DLG2: variants seen among roughly 807,000 people sequenced by gnomAD.
DLG2 encodes discs large MAGUK scaffold protein 2.
In DLG2, 45 loss-of-function variants were observed where a neutral mutation model predicts 132.5. That is an observed-to-expected ratio of 0.34 (90% CI 0.27 to 0.44). The LOEUF is 0.44. Among genes scored for constraint, DLG2 ranks in the 20% least tolerant of loss-of-function variants. The probability of loss-of-function intolerance (pLI) is 1.00; values close to 1 mark genes in which losing one functional copy is unlikely to be tolerated. For synonymous variants in DLG2, 424 were observed against 419.6 expected (o/e 1.01, Z -0.13); for missense variants, 1,045 against 1,196.9 (o/e 0.87, Z 1.87).
At chr11:83,518,374 G>A (rs376023532) in intron 21 of DLG2, among the ~76,000 whole-genome samples, 36 of 152,208 alleles carry the variant, frequency 2.4e-4, no homozygotes, top group African/African-American at 8.0e-4. Flanking sequence ...TTGGAAAAGC[G>A]CAGTATTAGG....
At chr11:83,715,678 A>T (rs907989319) in intron 18 of DLG2, among the ~76,000 whole-genome samples, 1 of 152,218 alleles carries the variant, frequency 6.6e-6, no homozygotes, top group Admixed American at 6.5e-5. Flanking sequence ...TCAACTGGGC[A>T]TAACGATTGT....
At chr11:85,118,278 G>A (rs752081838) in intron 5 of DLG2, among the ~76,000 whole-genome samples, 21 of 152,032 alleles carry the variant, frequency 1.4e-4, no homozygotes, top group Non-Finnish European at 2.6e-4. Context: ...TTCTCCAAAG[G>A]ATGCTGAGAA....
chr11:83,928,930 G>T (rs531714568), intron 15 of DLG2, among the ~76,000 whole-genome samples: 1 of 152,010 alleles, frequency 6.6e-6, no homozygotes, highest in Non-Finnish European at 1.5e-5. Context: ...ACTTCCTTAC[G>T]GCTATGGTGA....
At chr11:85,311,890 A>G (rs376978437) in intron 3 of DLG2, among the ~76,000 whole-genome samples, 1 of 152,172 alleles carries the variant, frequency 6.6e-6, no homozygotes, top group South Asian at 2.1e-4. Flanking sequence ...TTGGCTCTAT[A>G]GTATAAAGTA....
intron 6 of DLG2, among the ~76,000 whole-genome samples, chr11:84,979,124 C>T (rs2055353638): frequency 6.6e-6 from 1 of 152,090 alleles, no homozygotes; most frequent in Admixed American, 6.5e-5. Context: ...CATCTCACAC[C>T]AGTTAGAATG....
rs548001322 is a variant in DLG2 at position 84,473,838 on chromosome 11, C to G, written c.519+60732G>C. 2.4e-4 allele frequency among the ~76,000 whole-genome samples: 36 copies of G among 152,110 alleles called. 1 individual carries two copies. The South Asian group carries it at 7.5e-3, about 31-fold the overall frequency. ...ATAAGTTTTTAAATTCATTGTTATT[C>G]TAAGCATCCTCAATATTTATGCCTT... On this transcript the variant is annotated intron_variant, in intron 7 of 27. Transcript: ENST00000376104.
chr11:83,462,219 T>C (rs1591232372), intron 26 of DLG2, 126 bp from the exon 27 acceptor site: 2 of 650,604 alleles, frequency 3.1e-6, no homozygotes, highest in East Asian at 5.4e-5. Flanking sequence ...TTTTTAGTCT[T>C]CATTCAGGAC....
chr11:84,594,318 A>G (rs1429053433), intron 6 of DLG2, among the ~76,000 whole-genome samples: 1 of 152,182 alleles, frequency 6.6e-6, no homozygotes, highest in African/African-American at 2.4e-5. Flanking sequence ...ACAAGGGAAC[A>G]TGGACTGGCA....
intron 8 of DLG2, among the ~76,000 whole-genome samples, chr11:84,232,241 AT>A (rs1367285347): frequency 1.3e-5 from 2 of 151,808 alleles, no homozygotes; most frequent in African/African-American, 4.8e-5. Context: ...ACTTTGCTTC[AT>A]TTTTTTCAGA....
chr11:83,825,758 T>G (rs1258699627), intron 17 of DLG2, among the ~76,000 whole-genome samples: 1 of 152,126 alleles, frequency 6.6e-6, no homozygotes, highest in Admixed American at 6.5e-5. Context: ...CACACTTGTG[T>G]GTGGTTTGTT....
At chr11:84,932,828 G>A (rs753795713) in intron 6 of DLG2, among the ~76,000 whole-genome samples, 2 of 152,152 alleles carry the variant, frequency 1.3e-5, no homozygotes, top group African/African-American at 4.8e-5. Flanking sequence ...ACATGTGTGT[G>A]CATGTGTCTT....
At chr11:85,191,001 C>A (rs185715420) in intron 4 of DLG2, among the ~76,000 whole-genome samples, 1 of 152,272 alleles carries the variant, frequency 6.6e-6, no homozygotes, top group Non-Finnish European at 1.5e-5. Flanking sequence ...AATCTCGTTA[C>A]TGTCATTACT....
At chr11:84,141,724 C>T (rs1001869418) in intron 9 of DLG2, among the ~76,000 whole-genome samples, 1 of 151,970 alleles carries the variant, frequency 6.6e-6, no homozygotes, top group Non-Finnish European at 1.5e-5. Context: ...AGAGGCTCAT[C>T]ATTGAGTAGT....
At chr11:85,599,339 C>T (rs2079992831) in intron 2 of DLG2, among the ~76,000 whole-genome samples, 1 of 150,664 alleles carries the variant, frequency 6.6e-6, no homozygotes, top group African/African-American at 2.5e-5. Flanking sequence ...CTCTCCCCCA[C>T]CTCTCTCTTT....
intron 18 of DLG2, among the ~76,000 whole-genome samples, chr11:83,724,579 A>G (rs949603506): frequency 6.6e-6 from 1 of 151,528 alleles, no homozygotes; most frequent in African/African-American, 2.4e-5. Context: ...CCAGTGGTAA[A>G]TCAAACTCAG....
rs1318092394 is a variant in DLG2 at position 85,111,768 on chromosome 11, T to C, written c.283-33A>G. 4.7e-6 allele frequency: 7 copies of C among 1,482,378 alleles called. No individual in the cohort carries two copies. In the African/African-American group the frequency reaches 8.4e-5, roughly 18 times the overall value. The allele number at this position is 1,482,378 out of a possible 1,614,324, so 91.8% of individuals were successfully genotyped here. A position where few individuals can be genotyped will look rare whatever the true frequency, so the allele number is the denominator to read the frequency against. ...TAAGTAAAAATTATATTATATTCTA[T>C]TTATTATGGGCCAGTATGTATATAT... On this transcript the variant is annotated intron_variant, in intron 5 of 27. Transcript: ENST00000376104.
At chr11:84,067,562 AC>A (rs2096697429) in intron 10 of DLG2, among the ~76,000 whole-genome samples, 1 of 151,560 alleles carries the variant, frequency 6.6e-6, no homozygotes, top group Non-Finnish European at 1.5e-5. Context: ...CCCACCACAC[AC>A]ACACACACAC....
intron 16 of DLG2, among the ~76,000 whole-genome samples, chr11:83,871,138 C>T (rs2063365760): frequency 6.6e-6 from 1 of 152,158 alleles, no homozygotes; most frequent in Non-Finnish European, 1.5e-5. Flanking sequence ...ATATTATTAT[C>T]CCATTAGCTT....
Position 84,934,504 on chromosome 11 carries a change from G to GTTTTTTTTTTTTTTTTT in DLG2, c.357+177156_357+177157insAAAAAAAAAAAAAAAAA, listed in dbSNP as rs113436905. 3.8e-4 allele frequency among the ~76,000 whole-genome samples: 13 copies of GTTTTTTTTTTTTTTTTT among 33,868 alleles called. 3 individuals are homozygous for GTTTTTTTTTTTTTTTTT. Among genetic ancestry groups the GTTTTTTTTTTTTTTTTT allele is most frequent in the Admixed American group, 5.6e-4 (2 of 3,574 alleles). 22.2% of individuals were successfully genotyped at this position (33,868 alleles called of 152,430 possible). A position where few individuals can be genotyped will look rare whatever the true frequency, so the allele number is the denominator to read the frequency against. On this transcript the variant is annotated intron_variant, in intron 6 of 27. Coordinates refer to ENST00000376104, the MANE Select transcript of DLG2 (RefSeq NM_001142699.3). ...TCTGTGAATCTGTATGGTCCTGGGTGTTTTTTTTTTGTTTTGTTTTGTTTT... is the reference window on the plus strand; with the variant it reads ...TCTGTGAATCTGTATGGTCCTGGGTGTTTTTTTTTTTTTTTTTTTTTTTTTTTGTTTTGTTTTGTTTT...
Sources: allele counts gnomAD v4.1 joint callset (sites outside exome capture counted in the v4.1 genomes callset), GRCh38; gene constraint gnomAD v4.1.1; transcripts MANE v1.5; gene names NCBI Gene and HGNC (gene_info 2026-07-23, HGNC 2026-07-21).